Variants in CDH12 observed in about 807,000 individuals in gnomAD.
The protein encoded by CDH12 is cadherin 12.
In CDH12, 41 loss-of-function variants were observed where a neutral mutation model predicts 74.1. That is an observed-to-expected ratio of 0.55 (90% CI 0.43 to 0.72). The LOEUF (loss-of-function observed/expected upper bound fraction) is 0.72. CDH12 is among the 30% of genes least tolerant of loss of function. The pLI is 0.00. For missense variants in CDH12, 945 were observed against 977.2 expected, an observed-to-expected ratio of 0.97 and a Z score of 0.44; for synonymous variants, 399 against 355.0, an observed-to-expected ratio of 1.12 and a Z score of -1.39.
At chr5:22,610,983 C>T (rs1167484636) in intron 1 of CDH12, among the ~76,000 whole-genome samples, 1 of 152,106 alleles carries the variant, frequency 6.6e-6, no homozygotes, top group African/African-American at 2.4e-5. Context: ...ACTACTATGA[C>T]TTCATCCCCA....
chr5:22,695,004 C>G (rs779445189), intron 1 of CDH12, among the ~76,000 whole-genome samples: 2 of 151,924 alleles, frequency 1.3e-5, no homozygotes, highest in African/African-American at 2.4e-5. Context: ...CCCAACCCAC[C>G]GACGGTCCTG....
intron 11 of CDH12, among the ~76,000 whole-genome samples, chr5:21,772,271 G>GA (rs1363936616): frequency 1.3e-5 from 2 of 151,708 alleles, no homozygotes; most frequent in East Asian, 1.9e-4. Flanking sequence ...AACATGCTGA[G>GA]AAAAAAAATC....
At chr5:21,994,517 T>G (rs2150138224) in intron 5 of CDH12, among the ~76,000 whole-genome samples, 1 of 152,306 alleles carries the variant, frequency 6.6e-6, no homozygotes, top group East Asian at 1.9e-4. Flanking sequence ...TGGCATTTAT[T>G]GAATACTCAT....
chr5:22,525,081 T>C (rs1737211356), intron 1 of CDH12, among the ~76,000 whole-genome samples: 1 of 151,908 alleles, frequency 6.6e-6, no homozygotes, highest in Admixed American at 6.6e-5. Context: ...GTCCTTGCGA[T>C]AGTTTGCTGA....
At chr5:22,465,713 A>T (rs2551493) in intron 2 of CDH12, among the ~76,000 whole-genome samples, 1 of 151,900 alleles carries the variant, frequency 6.6e-6, no homozygotes, top group Non-Finnish European at 1.5e-5. Context: ...TTCTCCCATA[A>T]CTAAATCCTT....
At chr5:22,372,542 G>A (rs1050473857) in intron 3 of CDH12, among the ~76,000 whole-genome samples, 5 of 152,128 alleles carry the variant, frequency 3.3e-5, no homozygotes, top group Non-Finnish European at 1.5e-5. Flanking sequence ...AGGCTTCCAA[G>A]CCCTGAGCAG....
At chr5:22,800,880 TA>T (rs1312211277) in intron 1 of CDH12, among the ~76,000 whole-genome samples, 1 of 152,214 alleles carries the variant, frequency 6.6e-6, no homozygotes, top group Non-Finnish European at 1.5e-5. Context: ...CGATAGATTA[TA>T]TTTTTTAGCA....
At chr5:21,794,755 C>G (rs184302058) in intron 10 of CDH12, among the ~76,000 whole-genome samples, 1 of 151,492 alleles carries the variant, frequency 6.6e-6, no homozygotes, top group Non-Finnish European at 1.5e-5. Flanking sequence ...TAGCAGTTGC[C>G]TTCACTTAGA....
intron 3 of CDH12, among the ~76,000 whole-genome samples, chr5:22,296,432 A>G (rs568630384): frequency 6.6e-6 from 1 of 152,280 alleles, no homozygotes. Context: ...GGTATTTTGT[A>G]TTAACTTTCT....
intron 2 of CDH12, among the ~76,000 whole-genome samples, chr5:22,484,509 C>T (rs1278277362): frequency 2.0e-5 from 3 of 152,132 alleles, no homozygotes; most frequent in Admixed American, 2.0e-4. Context: ...AATTGTGCAG[C>T]CAGTAAACAC....
intron 6 of CDH12, among the ~76,000 whole-genome samples, chr5:21,880,612 C>CTTTCTTTCT (rs1752250410): frequency 5.7e-5 from 4 of 69,868 alleles, no homozygotes; most frequent in African/African-American, 2.6e-4. Context: ...TCCTTCCTTC[C>CTTTCTTTCT]TTCCTTCTTT....
chr5:21,764,121 T>A (rs911729271), intron 12 of CDH12, among the ~76,000 whole-genome samples: 6 of 152,146 alleles, frequency 3.9e-5, no homozygotes, highest in Non-Finnish European at 8.8e-5. Flanking sequence ...ATGCCTGTAA[T>A]CCCAGCACTT....
chr5:22,617,352 A>G (rs1737743212), intron 1 of CDH12, among the ~76,000 whole-genome samples: 1 of 152,110 alleles, frequency 6.6e-6, no homozygotes, highest in Non-Finnish European at 1.5e-5. Context: ...TGTTGTTTAC[A>G]GTGACCCAAT....
intron 6 of CDH12, among the ~76,000 whole-genome samples, chr5:21,877,827 A>T (rs1752019743): frequency 6.6e-6 from 1 of 152,208 alleles, no homozygotes; most frequent in Admixed American, 6.5e-5. Flanking sequence ...TCTACTTTCC[A>T]TTACCAGATA....
chr5:22,034,490 A>C (rs1485738166), intron 5 of CDH12, among the ~76,000 whole-genome samples: 1 of 152,190 alleles, frequency 6.6e-6, no homozygotes, highest in African/African-American at 2.4e-5. Context: ...ATACCATACT[A>C]GGAACTGTGG....
At chr5:22,412,337 C>A (rs577762555) in intron 2 of CDH12, among the ~76,000 whole-genome samples, 1 of 151,904 alleles carries the variant, frequency 6.6e-6, no homozygotes, top group African/African-American at 2.4e-5. Flanking sequence ...TTTCAAAGTT[C>A]TATTGCAATT....
intron 2 of CDH12, among the ~76,000 whole-genome samples, chr5:22,455,755 T>A (rs569105407): frequency 1.5e-3 from 228 of 152,250 alleles, no homozygotes; most frequent in African/African-American, 5.3e-3. Context: ...GGCCAACATT[T>A]CATTTTTGGT....
intron 6 of CDH12, 122 bp from the exon 7 acceptor site, chr5:21,854,912 A>G (rs1400095928): frequency 1.4e-6 from 1 of 712,026 alleles, no homozygotes; most frequent in South Asian, 2.3e-5. Context: ...CCATGAGTAC[A>G]TGATGTCACT....
Position 22,628,708 on chromosome 5 carries a change from C to G in CDH12, c.-522-123344G>C, listed in dbSNP as rs1188519097. 3.3e-5 allele frequency among the ~76,000 whole-genome samples: 5 copies of G among 151,956 alleles called. No individual in the cohort carries two copies. In the East Asian group the frequency reaches 9.6e-4, roughly 29 times the overall value. The stretch of plus-strand genomic sequence containing the variant: ...GAGAAGCTAGAGAAACAAGAATAAA[C>G]CAATGTCAAAGCTAGCAGAGGACAA... On this transcript the variant is annotated intron_variant, in intron 1 of 14. Coordinates refer to ENST00000382254, the MANE Select transcript of CDH12 (RefSeq NM_004061.5).
Sources: allele counts gnomAD v4.1 joint callset (sites outside exome capture counted in the v4.1 genomes callset), GRCh38; gene constraint gnomAD v4.1.1; transcripts MANE v1.5; gene names NCBI Gene and HGNC (gene_info 2026-07-23, HGNC 2026-07-21).